The following TNKS variants were observed in gnomAD, a reference collection of about 807,000 sequenced individuals.
The protein encoded by TNKS is poly [ADP-ribose] polymerase tankyrase-1.
Under a neutral mutation model 135.8 loss-of-function variants are expected in TNKS, and 72 were observed. That is an observed-to-expected ratio of 0.53 (90% CI 0.44 to 0.64). The LOEUF (loss-of-function observed/expected upper bound fraction) is 0.64, where lower values mean the gene tolerates loss of function less well. Ranked by LOEUF, TNKS falls within the 30% of genes least tolerant of loss-of-function variation. TNKS has a pLI of 0.00. For missense variants in TNKS, 1,769 were observed against 1,674.0 expected (o/e 1.06, Z -0.99); for synonymous variants, 849 against 649.3 (o/e 1.31, Z -4.68).
chr8:9,609,343 A>T (rs946521917), intron 2 of TNKS, among the ~76,000 whole-genome samples: 3 of 152,210 alleles, frequency 2.0e-5, no homozygotes, highest in Non-Finnish European at 2.9e-5. Context: ...ATCAAATTCT[A>T]GGCTTTAGAT....
At chr8:9,668,449 G>T (rs1802105669) in intron 3 of TNKS, among the ~76,000 whole-genome samples, 1 of 152,190 alleles carries the variant, frequency 6.6e-6, no homozygotes, top group South Asian at 2.1e-4. Flanking sequence ...CAGAGGTTAA[G>T]AACTTCTGAT....
chr8:9,741,674 C>T (rs548843321), intron 17 of TNKS: 1 of 514,874 alleles, frequency 1.9e-6, no homozygotes, highest in South Asian at 1.4e-5. Context: ...TAAGATGTTA[C>T]TTACTCTACG....
intron 3 of TNKS, among the ~76,000 whole-genome samples, chr8:9,656,073 G>A (rs181658578): frequency 9.2e-5 from 14 of 152,232 alleles, no homozygotes; most frequent in Admixed American, 5.2e-4. Flanking sequence ...TGAAAACCAC[G>A]GCACGAGAAC....
chr8:9,665,623 C>CA (rs1801948325), intron 3 of TNKS, among the ~76,000 whole-genome samples: 1 of 152,166 alleles, frequency 6.6e-6, no homozygotes, highest in African/African-American at 2.4e-5. Flanking sequence ...AGCATACTCT[C>CA]AGTCATCTCT....
intron 3 of TNKS, among the ~76,000 whole-genome samples, chr8:9,653,828 G>C (rs191854133): frequency 3.9e-5 from 6 of 151,982 alleles, no homozygotes; most frequent in Non-Finnish European, 8.8e-5. Context: ...CCTCACTCTT[G>C]TTCCTTTCCC....
chr8:9,673,147 A>T (rs13264510), intron 3 of TNKS, among the ~76,000 whole-genome samples: 17,661 of 152,120 alleles, frequency 0.12, 1,211 homozygotes, highest in Admixed American at 0.22. Context: ...AGTACAAATG[A>T]TTGGAAACCC....
At chr8:9,679,892 G>A (rs1448574556) in intron 3 of TNKS, 59 bp from the exon 4 acceptor site, 2 of 1,358,090 alleles carry the variant, frequency 1.5e-6, no homozygotes, top group African/African-American at 2.9e-5. Context: ...GCTGCCTACT[G>A]CATTTCTTAA....
chr8:9,774,231 G>C (rs991680898), intron 26 of TNKS, among the ~76,000 whole-genome samples: 1 of 152,142 alleles, frequency 6.6e-6, no homozygotes, highest in Non-Finnish European at 1.5e-5. Context: ...AGAGATTTCA[G>C]CTACTTTACT....
chr8:9,776,095 A>C (rs1260629342), intron 26 of TNKS, among the ~76,000 whole-genome samples: 1 of 152,124 alleles, frequency 6.6e-6, no homozygotes, highest in African/African-American at 2.4e-5. Context: ...AGGCCAGTCT[A>C]AATCGGAGCC....
chr8:9,735,254 A>T, intron 16 of TNKS, 123 bp from the exon 17 acceptor site: 1 of 1,085,358 alleles, frequency 9.2e-7, no homozygotes. Context: ...TTATGTGATA[A>T]CAGTATTAGC....
At chr8:9,609,291 T>C (rs1212106829) in intron 2 of TNKS, among the ~76,000 whole-genome samples, 1 of 152,226 alleles carries the variant, frequency 6.6e-6, no homozygotes, top group Non-Finnish European at 1.5e-5. Context: ...TTTTACCAAC[T>C]GTTTATTTAT....
chr8:9,641,963 A>G (rs1800746288), intron 3 of TNKS, among the ~76,000 whole-genome samples: 2 of 146,466 alleles, frequency 1.4e-5, no homozygotes, highest in Non-Finnish European at 3.0e-5. Flanking sequence ...CTTGTCTTCC[A>G]AGGCAAATCA....
At position 9,717,071 on chromosome 8, in the gene TNKS, TAATATATATATATATATA is replaced by T. The variant is rs1412732346; in HGVS notation, c.1750-3302_1750-3285del. Reference sequence around the variant, plus strand: ...CCACCAAAGATAATCTGTTGTATTATAATATATATATATATATATATATATATATATTTTCAGGGAATT... The same window carrying T: ...CCACCAAAGATAATCTGTTGTATTATTATATATATATATTTTCAGGGAATT... On this transcript the variant is annotated intron_variant, in intron 11 of 26. Transcript: ENST00000310430. Among the ~76,000 whole-genome samples the T allele has an allele frequency of 6.8e-3, 94 of 13,776 alleles. 4 individuals carry two copies. In the South Asian group the frequency reaches 0.14, roughly 21 times the overall value. The allele number at this position is 13,776 out of a possible 152,430, so 9.0% of individuals were successfully genotyped here. A position where few individuals can be genotyped will look rare whatever the true frequency, so the allele number is the denominator to read the frequency against.
chr8:9,726,810 C>G (rs1805185354), intron 13 of TNKS, 90 bp downstream of exon 13: 2 of 1,031,018 alleles, frequency 1.9e-6, no homozygotes, highest in Non-Finnish European at 2.9e-6. Context: ...TACTCAAATA[C>G]AAACAGTAAA....
In TNKS at chr8:9,776,059, G is replaced by A. The variant is rs1275958184; in HGVS notation, c.3898-591G>A. ...CAGCCTTGTGTTTTACTGACTGCAA[G>A]AAAAAAGAGAAAGAGAATATGAAGG... On this transcript the variant is annotated intron_variant, in intron 26 of 26. Transcript: ENST00000310430. Among the ~76,000 whole-genome samples the A allele has an allele frequency of 4.0e-5, 6 of 151,698 alleles. No individual in the cohort carries two copies. In the East Asian group the frequency reaches 1.2e-3, roughly 29 times the overall value.
At chr8:9,741,032 C>CT (rs1050071722) in intron 17 of TNKS, 24 of 152,064 alleles carry the variant, frequency 1.6e-4, no homozygotes, top group African/African-American at 5.5e-4. Context: ...GAGATGATCT[C>CT]TATCTCCTGA....
chr8:9,622,669 C>T (rs1398305938), intron 3 of TNKS, among the ~76,000 whole-genome samples: 1 of 152,170 alleles, frequency 6.6e-6, no homozygotes, highest in Non-Finnish European at 1.5e-5. Context: ...TAAATATAAA[C>T]TCCAGGGCTT....
At chr8:9,611,226 C>T (rs551561015) in intron 2 of TNKS, among the ~76,000 whole-genome samples, 3 of 152,180 alleles carry the variant, frequency 2.0e-5, no homozygotes, top group African/African-American at 7.2e-5. Context: ...CACTTACTCT[C>T]TGGAATTTGA....
intron 3 of TNKS, among the ~76,000 whole-genome samples, chr8:9,660,309 C>G (rs1004388722): frequency 6.6e-6 from 1 of 152,174 alleles, no homozygotes; most frequent in African/African-American, 2.4e-5. Context: ...GACCAATATC[C>G]TTGATGAACA....
Sources: gnomAD v4.1 joint callset for allele counts (sites outside exome capture counted in the v4.1 genomes callset) on GRCh38, gnomAD v4.1.1 for gene constraint, MANE v1.5 for transcripts, NCBI Gene and HGNC (gene_info 2026-07-23, HGNC 2026-07-21) for gene names.